NKAIN2: variants seen among roughly 807,000 people sequenced by gnomAD.
NKAIN2 encodes the protein sodium/potassium transporting ATPase interacting 2, also known as sodium/potassium-transporting ATPase subunit beta-1-interacting protein 2.
A neutral mutation model predicts 32.6 loss-of-function variants in NKAIN2; 14 were observed. The ratio of observed to expected loss-of-function variants is 0.43; its 90% CI spans 0.28 to 0.67. The LOEUF (loss-of-function observed/expected upper bound fraction) is 0.67. Ranked by LOEUF, NKAIN2 falls within the 30% of genes least tolerant of loss-of-function variation. NKAIN2 has a pLI of 0.17. For synonymous variants in NKAIN2, 80 were observed against 87.2 expected (o/e 0.92, Z 0.46); for missense variants, 198 against 258.3 (o/e 0.77, Z 1.60).
chr6:124,342,888 A>G (rs1242132965), intron 2 of NKAIN2, among the ~76,000 whole-genome samples: 2 of 150,580 alleles, frequency 1.3e-5, no homozygotes, highest in African/African-American at 5.0e-5. Flanking sequence ...TGTGCCAGTT[A>G]GTTACATATG....
intron 4 of NKAIN2, among the ~76,000 whole-genome samples, chr6:124,732,283 T>C (rs1776719310): frequency 6.6e-6 from 1 of 152,024 alleles, no homozygotes. Context: ...TTTGTACATA[T>C]TTGGTGCCAT....
At chr6:124,792,611 G>A (rs1282217591) in intron 5 of NKAIN2, among the ~76,000 whole-genome samples, 4 of 152,128 alleles carry the variant, frequency 2.6e-5, no homozygotes, top group African/African-American at 7.2e-5. Context: ...ATGAAACTGT[G>A]TAGTGCACGC....
chr6:123,851,428 T>G (rs1775344059), intron 1 of NKAIN2, among the ~76,000 whole-genome samples: 1 of 151,976 alleles, frequency 6.6e-6, no homozygotes, highest in Non-Finnish European at 1.5e-5. Context: ...TTTTGTATTT[T>G]TTAGTCAAGA....
At chr6:124,508,329 A>T (rs190991071) in intron 3 of NKAIN2, among the ~76,000 whole-genome samples, 1 of 144,126 alleles carries the variant, frequency 6.9e-6, no homozygotes. Context: ...ATGAGCTTGT[A>T]TTAGTCTTTT....
At chr6:123,999,200 T>C (rs1167476612) in intron 1 of NKAIN2, among the ~76,000 whole-genome samples, 1 of 152,126 alleles carries the variant, frequency 6.6e-6, no homozygotes, top group East Asian at 1.9e-4. Context: ...CTTTGGAGAA[T>C]GGAAAATAAG....
intron 3 of NKAIN2, among the ~76,000 whole-genome samples, chr6:124,575,185 A>C (rs900450706): frequency 6.6e-6 from 1 of 152,172 alleles, no homozygotes. Context: ...GGTGGCCCTT[A>C]ATTTATCCTG....
At chr6:124,441,451 G>A (rs540797358) in intron 3 of NKAIN2, among the ~76,000 whole-genome samples, 4 of 152,134 alleles carry the variant, frequency 2.6e-5, no homozygotes, top group African/African-American at 7.2e-5. Context: ...GTGAAGTTAC[G>A]TGACTTACAA....
chr6:124,010,921 AT>A (rs1780294447), intron 1 of NKAIN2, among the ~76,000 whole-genome samples: 1 of 151,852 alleles, frequency 6.6e-6, no homozygotes, highest in African/African-American at 2.4e-5. Context: ...GATCAATACA[AT>A]TTTTCTCTTT....
At chr6:124,430,834 A>G (rs1020030533) in intron 3 of NKAIN2, among the ~76,000 whole-genome samples, 4 of 152,120 alleles carry the variant, frequency 2.6e-5, no homozygotes, top group African/African-American at 7.2e-5. Context: ...AAACCATCAT[A>G]TACATTTTCT....
intron 4 of NKAIN2, among the ~76,000 whole-genome samples, chr6:124,668,942 T>C (rs1306834426): frequency 6.6e-6 from 1 of 152,138 alleles, no homozygotes; most frequent in African/African-American, 2.4e-5. Context: ...GACATAGCCA[T>C]GTGGTACTCA....
At chr6:124,409,983 A>G (rs1774079823) in intron 3 of NKAIN2, among the ~76,000 whole-genome samples, 2 of 152,082 alleles carry the variant, frequency 1.3e-5, no homozygotes, top group Admixed American at 6.5e-5. Flanking sequence ...ATTTGCATAG[A>G]GGTGTTTATA....
At chr6:124,185,962 G>T (rs992352729) in intron 1 of NKAIN2, among the ~76,000 whole-genome samples, 1 of 151,776 alleles carries the variant, frequency 6.6e-6, no homozygotes. Flanking sequence ...TAAAGCATTT[G>T]CTTGTTACCC....
At chr6:124,594,958 T>C (rs1332244374) in intron 3 of NKAIN2, among the ~76,000 whole-genome samples, 1 of 152,112 alleles carries the variant, frequency 6.6e-6, no homozygotes, top group East Asian at 1.9e-4. Context: ...TTGAGGTAAT[T>C]TCTCCCTGAA....
intron 1 of NKAIN2, among the ~76,000 whole-genome samples, chr6:123,870,157 G>A (rs1772794886): frequency 6.6e-6 from 1 of 152,040 alleles, no homozygotes; most frequent in African/African-American, 2.4e-5. Flanking sequence ...AAAAATTCTT[G>A]CTCTTATTGA....
intron 1 of NKAIN2, among the ~76,000 whole-genome samples, chr6:123,991,765 G>A (rs1779422186): frequency 6.6e-6 from 1 of 152,100 alleles, no homozygotes; most frequent in Non-Finnish European, 1.5e-5. Context: ...AGGAGGCTGA[G>A]GCAGGTGAAT....
At position 124,261,867 on chromosome 6, in the gene NKAIN2, A is replaced by AC. The variant is rs1211326460; in HGVS notation, c.55-21138_55-21137insC. ...GAAAGAGCATGATTCCATCTCACAC[A>AC]AAAAAAAAAAAAAAATTTTGAAATG... On this transcript the variant is annotated intron_variant, in intron 1 of 6. Transcript: ENST00000368417. Among the ~76,000 whole-genome samples, 7 of 116,032 alleles carry AC rather than the reference A, an allele frequency of 6.0e-5. No homozygotes were observed. The East Asian group carries it at 7.5e-4, about 12-fold the overall frequency. The allele number at this position is 116,032 out of a possible 152,430, so 76.1% of individuals were successfully genotyped here.
chr6:124,744,148 G>A (rs1327931799), intron 4 of NKAIN2, among the ~76,000 whole-genome samples: 1 of 151,814 alleles, frequency 6.6e-6, no homozygotes, highest in Admixed American at 6.6e-5. Context: ...AATGGCTGAT[G>A]ATATTAAAAC....
At chr6:123,822,662 G>A (rs1436045641) in intron 1 of NKAIN2, among the ~76,000 whole-genome samples, 1 of 152,116 alleles carries the variant, frequency 6.6e-6, no homozygotes, top group Non-Finnish European at 1.5e-5. Context: ...GTGTAGTGGG[G>A]GTTGTGAAAG....
chr6:123,970,259 C>G (rs1420124112), intron 1 of NKAIN2, among the ~76,000 whole-genome samples: 1 of 152,062 alleles, frequency 6.6e-6, no homozygotes, highest in African/African-American at 2.4e-5. Context: ...AAGTTTCACT[C>G]CTGTCACAAA....
Sources: allele counts gnomAD v4.1 joint callset (sites outside exome capture counted in the v4.1 genomes callset), GRCh38; gene constraint gnomAD v4.1.1; transcripts MANE v1.5; gene names NCBI Gene and HGNC (gene_info 2026-07-23, HGNC 2026-07-21).